Variants in KRT8 observed in about 807,000 individuals in gnomAD.
KRT8 encodes keratin 8.
A neutral mutation model predicts 43.0 loss-of-function variants in KRT8; 24 were observed. That is an observed-to-expected ratio of 0.56 (90% confidence interval 0.40 to 0.78). KRT8 has a LOEUF of 0.78. KRT8 is among the 30% of genes least tolerant of loss of function. The pLI is 0.00. For missense variants in KRT8, 492 were observed against 638.4 expected (o/e 0.77, Z 2.47); for synonymous variants, 214 against 261.2 (o/e 0.82, Z 1.74).
intron 2 of KRT8, among the ~76,000 whole-genome samples, chr12:52,944,274 T>TTCATAGAGACAGGGTCTTGTTA (rs1942311118): frequency 6.6e-6 from 1 of 152,192 alleles, no homozygotes; most frequent in Non-Finnish European, 1.5e-5. Flanking sequence ...ATTTTATTAT[T>TTCATAGAGACAGGGTCTTGTTA]TCATAGAGAC....
At position 52,925,910 on chromosome 12, in the gene KRT8, T is replaced by C. The variant is rs548322152; in HGVS notation, c.-46-20883A>G. 3.9e-5 allele frequency among the ~76,000 whole-genome samples: 6 copies of C among 152,198 alleles called. No individual in the cohort carries two copies. The South Asian group carries it at 1.2e-3, about 32-fold the overall frequency. The stretch of plus-strand genomic sequence containing the variant: ...CCCCTCAGGGCCCATTACTCTGAGC[T>C]GGGCCCCAGGTAGGGGAGGAAGGAG... On this transcript the variant is annotated intron_variant, in intron 2 of 6. Transcript: ENST00000546826.
chr12:52,922,387 A>G (rs1941906235), intron 2 of KRT8, among the ~76,000 whole-genome samples: 1 of 151,818 alleles, frequency 6.6e-6, no homozygotes, highest in African/African-American at 2.4e-5. Context: ...TAAATCTATG[A>G]GGAGGCCAGG....
chr12:52,903,882 A>G (rs1315710187), intron 1 of KRT8, among the ~76,000 whole-genome samples: 7 of 22,346 alleles, frequency 3.1e-4, no homozygotes, highest in Non-Finnish European at 6.2e-4. Flanking sequence ...ACCCCACCCC[A>G]CCCACACCGC....
upstream of KRT8, chr12:52,905,181 C>T: frequency 1.0e-6 from 1 of 989,142 alleles, no homozygotes; most frequent in Non-Finnish European, 1.4e-6. Flanking sequence ...CACCTGCCAC[C>T]TCCGGGCAGG....
chr12:52,900,440 C>T (rs1014060472), intron 4 of KRT8, 148 bp downstream of exon 4: 86 of 704,220 alleles, frequency 1.2e-4, no homozygotes, highest in Non-Finnish European at 1.9e-4. Flanking sequence ...AAATACTAGC[C>T]GAGCAAATAT....
intron 2 of KRT8, among the ~76,000 whole-genome samples, chr12:52,929,954 G>A (rs565435644): frequency 5.3e-5 from 8 of 152,216 alleles, no homozygotes. Context: ...ATTATCCAAT[G>A]CCATCCTCCA....
intron 2 of KRT8, among the ~76,000 whole-genome samples, chr12:52,930,217 ATT>A (rs35917845): frequency 1.5e-3 from 216 of 146,376 alleles, no homozygotes; most frequent in Middle Eastern, 7.0e-3. Flanking sequence ...CAATTCTATC[ATT>A]TTTTTTTTTT....
At chr12:52,932,832 C>T (rs1465523036) in intron 2 of KRT8, among the ~76,000 whole-genome samples, 2 of 151,944 alleles carry the variant, frequency 1.3e-5, no homozygotes, top group Non-Finnish European at 2.9e-5. Context: ...CAAAAAAATC[C>T]TGAAGAACCT....
intron 2 of KRT8, among the ~76,000 whole-genome samples, chr12:52,928,943 A>G (rs111983178): frequency 0.013 from 1,966 of 152,136 alleles, 32 homozygotes; most frequent in African/African-American, 0.045. Flanking sequence ...TCCTTGACCC[A>G]TGTCCCACAC....
At chr12:52,897,760 C>A in intron 7 of KRT8, 142 bp from the exon 8 acceptor site, 1 of 1,144,606 alleles carries the variant, frequency 8.7e-7, no homozygotes, top group South Asian at 1.3e-5. Context: ...TTGCATGGTT[C>A]ACTACTCCAG....
intron 2 of KRT8, among the ~76,000 whole-genome samples, chr12:52,927,311 A>C (rs1035202968): frequency 1.3e-5 from 2 of 152,176 alleles, no homozygotes; most frequent in Admixed American, 6.5e-5. Context: ...GCAGCAGGAC[A>C]AGCCAGAGAA....
chr12:52,924,900 G>A (rs147770043), intron 2 of KRT8, among the ~76,000 whole-genome samples: 2 of 152,332 alleles, frequency 1.3e-5, no homozygotes, highest in African/African-American at 4.8e-5. Context: ...GAAAGGGAGT[G>A]AAAGGGTAGA....
chr12:52,901,136 T>G, intron 3 of KRT8, 23 bp downstream of exon 3: 4 of 1,558,506 alleles, frequency 2.6e-6, no homozygotes, highest in Non-Finnish European at 2.7e-6. Context: ...AGTGTCCAGA[T>G]AGGAGAAGGG....
Position 52,900,450 on chromosome 12 carries a change from T to C in KRT8, c.690+138A>G, listed in dbSNP as rs550828666. The C allele has an allele frequency of 2.1e-5, 15 of 715,684 alleles. 1 individual carries two copies. The highest frequency in any genetic ancestry group is 2.1e-4 in the South Asian group (14 of 67,768). The allele number at this position is 715,684 out of a possible 1,614,324, so 44.3% of individuals were successfully genotyped here. On this transcript the variant is annotated intron_variant, in intron 4 of 7. Coordinates refer to ENST00000692008, the Ensembl canonical transcript of KRT8. ...CCAATAAATACTAGCCGAGCAAATA[T>C]TGGTGGCTGTAATTAGTCAGCAGTG...
intron 2 of KRT8, among the ~76,000 whole-genome samples, chr12:52,932,092 C>CTT (rs139882612): frequency 2.8e-4 from 36 of 128,676 alleles, no homozygotes; most frequent in African/African-American, 5.8e-4. Flanking sequence ...GTAAATCATT[C>CTT]TTTTTTTTTT....
intron 2 of KRT8, among the ~76,000 whole-genome samples, chr12:52,936,223 GC>G (rs1942167828): frequency 6.6e-6 from 1 of 152,030 alleles, no homozygotes; most frequent in African/African-American, 2.4e-5. Context: ...CTGCACTCCA[GC>G]CTGGGAGATA....
chr12:52,903,888 A>G (rs1219184368), intron 1 of KRT8, among the ~76,000 whole-genome samples: 2 of 17,854 alleles, frequency 1.1e-4, no homozygotes, highest in Non-Finnish European at 2.7e-4. Flanking sequence ...CCCCACCCAC[A>G]CCGCCCCCGA....
At chr12:52,937,427 C>A (rs576490881) in intron 2 of KRT8, among the ~76,000 whole-genome samples, 121 of 150,630 alleles carry the variant, frequency 8.0e-4, no homozygotes, top group African/African-American at 2.8e-3. Flanking sequence ...GTGGCTCAAG[C>A]GTGTAATCCC....
At chr12:52,942,478 T>C (rs1483156460) in intron 2 of KRT8, among the ~76,000 whole-genome samples, 1 of 152,172 alleles carries the variant, frequency 6.6e-6, no homozygotes, top group East Asian at 1.9e-4. Context: ...CACCAGCTGC[T>C]CTGACCCCAG....
Sources: allele counts gnomAD v4.1 joint callset (sites outside exome capture counted in the v4.1 genomes callset), GRCh38; gene constraint gnomAD v4.1.1; transcripts MANE v1.5; gene names NCBI Gene and HGNC (gene_info 2026-07-23, HGNC 2026-07-21).